SBNO2: variants seen among roughly 807,000 people sequenced by gnomAD.
The protein encoded by SBNO2 is strawberry notch homolog 2.
In SBNO2, 89 loss-of-function variants were observed where a neutral mutation model predicts 146.3. The observed-to-expected ratio is 0.61, with a 90% CI of 0.51 to 0.73. The LOEUF (loss-of-function observed/expected upper bound fraction) is 0.73, where lower values mean the gene tolerates loss of function less well. Ranked by LOEUF, SBNO2 falls within the 30% of genes least tolerant of loss-of-function variation. The pLI, the probability that SBNO2 is intolerant of heterozygous loss-of-function variation, is 0.00. For missense variants in SBNO2, 2,092 were observed against 2,003.7 expected, an observed-to-expected ratio of 1.04 and a Z score of -0.84; for synonymous variants, 1,147 against 892.6, an observed-to-expected ratio of 1.29 and a Z score of -5.08.
intron 4 of SBNO2, among the ~76,000 whole-genome samples, chr19:1,135,954 C>T (rs2080081144): frequency 6.6e-6 from 1 of 152,140 alleles, no homozygotes; most frequent in South Asian, 2.1e-4. Flanking sequence ...TGATCATGTC[C>T]TGGCACCTGG....
intron 11 of SBNO2, among the ~76,000 whole-genome samples, chr19:1,120,422 A>G (rs981865336): frequency 1.3e-5 from 2 of 152,202 alleles, no homozygotes; most frequent in Non-Finnish European, 2.9e-5. Flanking sequence ...GCTGGAGTGC[A>G]GTGATACAAT....
Position 1,112,670 on chromosome 19 carries a change from G to A in SBNO2, c.2380-133C>T, listed in dbSNP as rs1232161978. On this transcript the variant is annotated intron_variant, in intron 20 of 31. Coordinates refer to ENST00000361757, the MANE Select transcript of SBNO2 (RefSeq NM_014963.3). This position sits in a 1 kb window ranked among gnomAD's most constrained non-coding sequence, Gnocchi z 5.9. ...GGGCAGCGAGAGGCCTGCGGGGCGC[G>A]GACACCACCCGCCACACGGCCACTC... 10 of 1,436,220 alleles carry A rather than the reference G, an allele frequency of 7.0e-6. No homozygotes were observed. The highest frequency in any genetic ancestry group is 8.3e-6 in the Non-Finnish European group (9 of 1,088,238). The allele number at this position is 1,436,220 out of a possible 1,614,324, so 89.0% of individuals were successfully genotyped here.
intron 1 of SBNO2, among the ~76,000 whole-genome samples, chr19:1,171,549 G>T (rs2145366108): frequency 6.6e-6 from 1 of 152,276 alleles, no homozygotes; most frequent in South Asian, 2.1e-4. Context: ...CCCAGCATGG[G>T]GGCCCCCTGG....
intron 1 of SBNO2, among the ~76,000 whole-genome samples, chr19:1,166,365 G>C (rs1015743148): frequency 7.9e-5 from 12 of 152,226 alleles, no homozygotes; most frequent in Admixed American, 2.0e-4. Flanking sequence ...CCCATGCTCC[G>C]AGCGGGCCTC....
rs540034967 is a variant in SBNO2 at position 1,155,535 on chromosome 19, C to T, written c.-126-1133G>A. Among the ~76,000 whole-genome samples the T allele has an allele frequency of 9.8e-5, 15 of 152,358 alleles. No individual in the cohort carries two copies. In the South Asian group the frequency reaches 2.1e-3, roughly 21 times the overall value. On this transcript the variant is annotated intron_variant, in intron 1 of 31. Transcript: ENST00000361757. ...GGGACCTGCGACACCCTTGCCAGAA[C>T]GGCCCTTTAGGGGAAGGGACAGGCC...
chr19:1,169,767 C>G (rs1341981427), intron 1 of SBNO2, among the ~76,000 whole-genome samples: 1 of 152,182 alleles, frequency 6.6e-6, no homozygotes, highest in East Asian at 1.9e-4. Context: ...TTCTGTTAAA[C>G]ACTTTTATTT....
intron 24 of SBNO2, 145 bp from the exon 25 acceptor site, chr19:1,111,238 G>A: frequency 3.2e-6 from 3 of 938,352 alleles, no homozygotes; most frequent in Non-Finnish European, 4.7e-6. Context: ...CAGGAGCGGA[G>A]CCTTTTGCCT....
chr19:1,114,866 C>T lies in SBNO2; in HGVS notation c.1886-444G>A, dbSNP rs185262246. Reference sequence around the variant, plus strand: ...GCCAGGATGGTGTCGATCTCCTGACCTCGTGATCCACCTGCCTCAGCCTCC... The same window carrying T: ...GCCAGGATGGTGTCGATCTCCTGACTTCGTGATCCACCTGCCTCAGCCTCC... On this transcript the variant is annotated intron_variant, in intron 17 of 31. Transcript: ENST00000361757. Among the ~76,000 whole-genome samples the T allele has an allele frequency of 5.9e-5, 9 of 151,990 alleles. No homozygotes were observed. In the East Asian group the frequency reaches 1.5e-3, roughly 26 times the overall value.
chr19:1,149,369 C>T lies in SBNO2; in HGVS notation c.167G>A (p.Arg56His), dbSNP rs778860625. ...PPYPAFSSDS[R>H]PFMSSASFLG... is the part of the protein sequence containing the mutation. Reference sequence around the variant, plus strand: ...AGGCGGGGAGGGTCCCGGTACTCACCGGCTGTCGCTGGAGAAGGCAGGGTA... The same window carrying T: ...AGGCGGGGAGGGTCCCGGTACTCACTGGCTGTCGCTGGAGAAGGCAGGGTA... Residue 56 changes from arginine to histidine, a missense_variant and splice_region_variant, in exon 3 of 32, where the codon CGC becomes CAC. By Grantham distance (29) the Arg-to-His change is conservative. Transcript: ENST00000361757. 9.7e-6 allele frequency: 15 copies of T among 1,551,390 alleles called. No individual in the cohort carries two copies. The East Asian group carries it at 1.5e-4, about 15-fold the overall frequency.
chr19:1,129,912 A>C (rs2080009338), intron 4 of SBNO2, among the ~76,000 whole-genome samples: 1 of 152,106 alleles, frequency 6.6e-6, no homozygotes. Flanking sequence ...CCACGCCCTC[A>C]CCAGGTGCCC....
At chr19:1,113,154 G>A (rs1427243900) in intron 19 of SBNO2, among the ~76,000 whole-genome samples, 3 of 152,182 alleles carry the variant, frequency 2.0e-5, no homozygotes, top group African/African-American at 4.8e-5. Flanking sequence ...TCAGCCAGCC[G>A]GCGCCACGAA....
chr19:1,148,112 C>A (rs2080211431), intron 3 of SBNO2, among the ~76,000 whole-genome samples: 1 of 152,070 alleles, frequency 6.6e-6, no homozygotes, highest in Non-Finnish European at 1.5e-5. Context: ...GCTCCCCAGG[C>A]TCTCCCTCCA....
chr19:1,128,009 T>C (rs1307792405), intron 4 of SBNO2, among the ~76,000 whole-genome samples: 1 of 152,022 alleles, frequency 6.6e-6, no homozygotes, highest in Non-Finnish European at 1.5e-5. Flanking sequence ...AGGGACGGGG[T>C]TTCACCATGT....
intron 1 of SBNO2, among the ~76,000 whole-genome samples, chr19:1,160,370 C>CG (rs2080332010): frequency 6.6e-6 from 1 of 152,196 alleles, no homozygotes; most frequent in Non-Finnish European, 1.5e-5. Context: ...GCCCAGGCCT[C>CG]GGGGGGTCTG....
rs28612843 is a variant in SBNO2 at position 1,136,997 on chromosome 19, T to G, written c.280-9232A>C. 2.0e-5 allele frequency among the ~76,000 whole-genome samples: 3 copies of G among 150,650 alleles called. No individual in the cohort carries two copies. Among genetic ancestry groups the G allele is most frequent in the Non-Finnish European group, 4.4e-5 (3 of 67,658 alleles). ...GGGGGCAGCACCTGGGGAATGGGGATGGGCTGTGGGTGCCGAGAGCCCCAG... is the reference window on the plus strand; with the variant it reads ...GGGGGCAGCACCTGGGGAATGGGGAGGGGCTGTGGGTGCCGAGAGCCCCAG... On this transcript the variant is annotated intron_variant, in intron 4 of 31. Transcript: ENST00000361757. This position sits in a 1 kb window ranked among gnomAD's most constrained non-coding sequence, Gnocchi z 4.2.
chr19:1,113,737 T>C (rs1235671186), intron 18 of SBNO2, 33 bp from the exon 19 acceptor site: 11 of 1,454,612 alleles, frequency 7.6e-6, no homozygotes, highest in African/African-American at 1.5e-5. Flanking sequence ...GGGCAGGACA[T>C]GTTGGCTGCC....
intron 17 of SBNO2, 71 bp from the exon 18 acceptor site, chr19:1,114,493 C>T (rs1387788525): frequency 1.5e-6 from 2 of 1,307,596 alleles, no homozygotes; most frequent in Non-Finnish European, 2.1e-6. Context: ...GGAGACGCAG[C>T]AGGACAGAGC....
intron 1 of SBNO2, among the ~76,000 whole-genome samples, chr19:1,170,985 T>C (rs113477221): frequency 0.04 from 6,003 of 149,748 alleles, 393 homozygotes; most frequent in African/African-American, 0.14. Context: ...ACACACAACA[T>C]ACGAGGACAG....
At position 1,157,910 on chromosome 19, in the gene SBNO2, A is replaced by G. The variant is rs1194969758; in HGVS notation, c.-126-3508T>C. On this transcript the variant is annotated intron_variant, in intron 1 of 31. Transcript: ENST00000361757. The surrounding 1 kb of genome is among the most constrained non-coding windows in gnomAD (Gnocchi z 6.8). The stretch of plus-strand genomic sequence containing the variant: ...CAGCTCTCTCTCCTGAGTCCGGATA[A>G]CTGTCCGCCTCCCAGCTCTCTCCTG... 7.0e-6 allele frequency among the ~76,000 whole-genome samples: 1 copy of G among 143,450 alleles called. No homozygotes were observed. Among genetic ancestry groups the G allele is most frequent in the African/African-American group, 2.7e-5 (1 of 37,392 alleles). The allele number at this position is 143,450 out of a possible 152,430, so 94.1% of individuals were successfully genotyped here.
Sources: gnomAD v4.1 joint callset for allele counts (sites outside exome capture counted in the v4.1 genomes callset) on GRCh38, gnomAD v4.1.1 for gene constraint, Gnocchi (gnomAD v3.1) non-coding constraint, MANE v1.5 for transcripts, NCBI Gene and HGNC (gene_info 2026-07-23, HGNC 2026-07-21) for gene names.